Variants in GALNT10 observed in about 807,000 individuals in gnomAD.
The protein encoded by GALNT10 is GalNAc transferase 10.
A neutral mutation model predicts 75.0 loss-of-function variants in GALNT10; 41 were observed. The observed-to-expected ratio is 0.55, with a 90% CI of 0.43 to 0.71. The LOEUF (loss-of-function observed/expected upper bound fraction) is 0.71. Ranked by LOEUF, GALNT10 falls within the 30% of genes least tolerant of loss-of-function variation. The probability of loss-of-function intolerance (pLI) is 0.00; values close to 1 mark genes in which losing one functional copy is unlikely to be tolerated. For missense variants in GALNT10, 727 were observed against 818.5 expected (o/e 0.89, Z 1.36); for synonymous variants, 302 against 313.0 (o/e 0.96, Z 0.37).
rs1450486152 is a variant in GALNT10 at position 154,420,867 on chromosome 5, G to C, written c.*3895G>C. 6.6e-6 allele frequency: 1 copy of C among 152,326 alleles called. No individual in the cohort carries two copies. The highest frequency in any genetic ancestry group is 6.5e-5 in the Admixed American group (1 of 15,294). 9.4% of individuals were successfully genotyped at this position (152,326 alleles called of 1,614,324 possible). ...TTCAGACTGGAATTCCAGGCCAAAAGCTCAAGACCACCAGCCTCTCCTCCT... is the reference window on the plus strand; with the variant it reads ...TTCAGACTGGAATTCCAGGCCAAAACCTCAAGACCACCAGCCTCTCCTCCT... On this transcript the variant is annotated 3_prime_UTR_variant, in exon 12 of 12. Coordinates refer to ENST00000297107, the MANE Select transcript of GALNT10 (RefSeq NM_198321.4).
chr5:154,263,671 G>A (rs944298763), intron 1 of GALNT10, among the ~76,000 whole-genome samples: 14 of 152,116 alleles, frequency 9.2e-5, no homozygotes, highest in Non-Finnish European at 1.6e-4. Context: ...TTTCTAGTTC[G>A]TAGACGGTGC....
intron 1 of GALNT10, among the ~76,000 whole-genome samples, chr5:154,194,712 T>C (rs925809455): frequency 2.6e-5 from 4 of 152,156 alleles, no homozygotes; most frequent in Admixed American, 2.0e-4. Context: ...CAAATGCATA[T>C]TGTAACGATG....
chr5:154,275,918 T>A (rs901716733), intron 1 of GALNT10, among the ~76,000 whole-genome samples: 2 of 152,160 alleles, frequency 1.3e-5, no homozygotes, highest in Non-Finnish European at 2.9e-5. Flanking sequence ...GGAAATTCCA[T>A]CTCTCAGTGA....
chr5:154,338,283 G>T lies in GALNT10; in HGVS notation c.568+8545G>T, dbSNP rs1754974714. The T allele has an allele frequency of 6.1e-6, 4 of 656,138 alleles. No individual in the cohort carries two copies. The Admixed American group carries it at 6.2e-5, about 10-fold the overall frequency. The allele number at this position is 656,138 out of a possible 1,614,324, so 40.6% of individuals were successfully genotyped here. A position where few individuals can be genotyped will look rare whatever the true frequency, so the allele number is the denominator to read the frequency against. On this transcript the variant is annotated intron_variant, in intron 4 of 11. Coordinates refer to ENST00000297107, the MANE Select transcript of GALNT10 (RefSeq NM_198321.4). Reference sequence around the variant, plus strand: ...CAGCCCCTGGAGTGCTTGGTGCTTGGATCTCTCCTTACCACACAATCTCTG... The same window carrying T: ...CAGCCCCTGGAGTGCTTGGTGCTTGTATCTCTCCTTACCACACAATCTCTG...
intron 1 of GALNT10, among the ~76,000 whole-genome samples, chr5:154,234,627 G>A (rs932647024): frequency 2.6e-5 from 4 of 152,258 alleles, no homozygotes; most frequent in Admixed American, 2.6e-4. Context: ...TAACTTGATA[G>A]TGGGATTCAA....
At chr5:154,407,757 T>C (rs546173971) in intron 8 of GALNT10, among the ~76,000 whole-genome samples, 8 of 152,220 alleles carry the variant, frequency 5.3e-5, no homozygotes, top group Non-Finnish European at 1.2e-4. Context: ...CAGCCTTTTC[T>C]GTGCAGGGGC....
At chr5:154,284,856 G>A (rs1047507407) in intron 1 of GALNT10, among the ~76,000 whole-genome samples, 1 of 152,164 alleles carries the variant, frequency 6.6e-6, no homozygotes, top group African/African-American at 2.4e-5. Context: ...TTTGCAAAAC[G>A]CTTTCATATC....
At position 154,208,206 on chromosome 5, in the gene GALNT10, A is replaced by G. The variant is rs574726969; in HGVS notation, c.159+17181A>G. ...TCTGCTAAGCACTTGACATTCTAAG[A>G]GAAAAGGACATGGTCTCGGCCCTTG... On this transcript the variant is annotated intron_variant, in intron 1 of 11. Transcript: ENST00000297107. Among the ~76,000 whole-genome samples, 3 of 152,308 alleles carry G rather than the reference A, an allele frequency of 2.0e-5. 1 individual carries two copies. The South Asian group carries it at 6.2e-4, about 32-fold the overall frequency.
At chr5:154,407,870 T>C (rs1756314152) in intron 8 of GALNT10, among the ~76,000 whole-genome samples, 1 of 152,200 alleles carries the variant, frequency 6.6e-6, no homozygotes, top group Non-Finnish European at 1.5e-5. Flanking sequence ...AGCTGTTTCC[T>C]GGTCCCCAAC....
At position 154,386,682 on chromosome 5, in the gene GALNT10, C is replaced by T. The variant is rs562308034; in HGVS notation, c.1056+252C>T. On this transcript the variant is annotated intron_variant, in intron 7 of 11. Transcript: ENST00000297107. Reference sequence around the variant, plus strand: ...TCACCACAGCTCTGACTGGCATTTGCCTTGTGTCTTCTTAAGATGTTGGAA... The same window carrying T: ...TCACCACAGCTCTGACTGGCATTTGTCTTGTGTCTTCTTAAGATGTTGGAA... The T allele has an allele frequency of 1.9e-5, 11 of 580,376 alleles. No individual in the cohort carries two copies. In the African/African-American group the frequency reaches 2.1e-4, roughly 11 times the overall value. 36.0% of individuals were successfully genotyped at this position (580,376 alleles called of 1,614,324 possible). A position where few individuals can be genotyped will look rare whatever the true frequency, so the allele number is the denominator to read the frequency against.
At chr5:154,195,790 G>A (rs1213706971) in intron 1 of GALNT10, among the ~76,000 whole-genome samples, 1 of 152,132 alleles carries the variant, frequency 6.6e-6, no homozygotes, top group Admixed American at 6.5e-5. Flanking sequence ...TCTTTCAGGA[G>A]CCAAGATTAT....
intron 1 of GALNT10, among the ~76,000 whole-genome samples, chr5:154,194,543 C>T (rs1774906588): frequency 6.6e-6 from 1 of 152,166 alleles, no homozygotes; most frequent in African/African-American, 2.4e-5. Flanking sequence ...TTGCTGTCTA[C>T]CAAGGAGTCC....
Position 154,310,529 on chromosome 5 carries a change from G to A in GALNT10, c.401+12450G>A, listed in dbSNP as rs35489763. ...CTGTCATCCAGGCTGGAGTGCAGGC[G>A]TGATCTCGGCTCACTGCATCCTCCA... On this transcript the variant is annotated intron_variant, in intron 3 of 11. Coordinates refer to ENST00000297107, the MANE Select transcript of GALNT10 (RefSeq NM_198321.4). Among the ~76,000 whole-genome samples, 857 of 151,918 alleles carry A rather than the reference G, an allele frequency of 5.6e-3. 4 individuals are homozygous for A. Among genetic ancestry groups the A allele is most frequent in the Non-Finnish European group, 0.01 (681 of 68,008 alleles).
At chr5:154,239,874 C>G (rs1302160876) in intron 1 of GALNT10, among the ~76,000 whole-genome samples, 1 of 152,232 alleles carries the variant, frequency 6.6e-6, no homozygotes, top group Non-Finnish European at 1.5e-5. Context: ...AGATTGATAT[C>G]CATGACTCTT....
chr5:154,306,742 C>CA lies in GALNT10; in HGVS notation c.401+8671dup, dbSNP rs1295393908. Among the ~76,000 whole-genome samples the CA allele has an allele frequency of 1.7e-3, 260 of 151,164 alleles. 1 individual carries two copies. The highest frequency in any genetic ancestry group is 4.2e-3 in the African/African-American group (172 of 41,076). On this transcript the variant is annotated intron_variant, in intron 3 of 11. Transcript: ENST00000297107. ...GCTGGTCAAAAAACAACAACAACAACAAAAAAAACTTAGGAGAAATTTAAA... is the reference window on the plus strand; with the variant it reads ...GCTGGTCAAAAAACAACAACAACAACAAAAAAAAACTTAGGAGAAATTTAAA...
intron 1 of GALNT10, among the ~76,000 whole-genome samples, chr5:154,267,668 A>T (rs971540831): frequency 2.0e-5 from 3 of 152,130 alleles, no homozygotes; most frequent in African/African-American, 7.2e-5. Context: ...TTGCCAACAT[A>T]GTGAGGTATG....
intron 4 of GALNT10, among the ~76,000 whole-genome samples, chr5:154,371,322 G>A (rs899630848): frequency 5.3e-5 from 8 of 152,094 alleles, no homozygotes; most frequent in Admixed American, 4.6e-4. Context: ...CAAAGACCCT[G>A]TTTCCAAATA....
chr5:154,248,680 G>A (rs181309239), intron 1 of GALNT10, among the ~76,000 whole-genome samples: 2,544 of 152,116 alleles, frequency 0.017, 55 homozygotes, highest in African/African-American at 0.059. Context: ...TTTTTATTGC[G>A]TCTATTTGAT....
chr5:154,252,780 A>AT (rs1175557446), intron 1 of GALNT10, among the ~76,000 whole-genome samples: 1 of 150,994 alleles, frequency 6.6e-6, no homozygotes, highest in Non-Finnish European at 1.5e-5. Flanking sequence ...AGTTTTTCAT[A>AT]TTTTTTCCTT....
Sources: allele counts gnomAD v4.1 joint callset (sites outside exome capture counted in the v4.1 genomes callset), GRCh38; gene constraint gnomAD v4.1.1; transcripts MANE v1.5; gene names NCBI Gene and HGNC (gene_info 2026-07-23, HGNC 2026-07-21).